Variants in RGS7BP observed in about 807,000 individuals in gnomAD.
RGS7BP encodes the protein regulator of G protein signaling 7 binding protein, also known as regulator of G protein signaling 7-binding protein.
Under a neutral mutation model 31.3 loss-of-function variants are expected in RGS7BP, and 9 were observed. The ratio of observed to expected loss-of-function variants is 0.29; its 90% CI spans 0.17 to 0.50. The LOEUF (loss-of-function observed/expected upper bound fraction) is 0.50. RGS7BP is among the 20% of genes least tolerant of loss of function. The probability of loss-of-function intolerance (pLI) is 0.98; values close to 1 mark genes in which losing one functional copy is unlikely to be tolerated. For missense variants in RGS7BP, 274 were observed against 322.0 expected, an observed-to-expected ratio of 0.85 and a Z score of 1.14; for synonymous variants, 115 against 120.1, an observed-to-expected ratio of 0.96 and a Z score of 0.28.
At chr5:64,548,129 G>T (rs969197390) in intron 2 of RGS7BP, among the ~76,000 whole-genome samples, 1 of 151,858 alleles carries the variant, frequency 6.6e-6, no homozygotes, top group African/African-American at 2.4e-5. Context: ...ATAACTTATT[G>T]TTGCAGTAAA....
chr5:64,569,938 T>C (rs1271009714), intron 2 of RGS7BP, among the ~76,000 whole-genome samples: 2 of 152,188 alleles, frequency 1.3e-5, no homozygotes, highest in Non-Finnish European at 2.9e-5. Context: ...AACAACAGAA[T>C]TGATTCCAAA....
intron 3 of RGS7BP, 53 bp downstream of exon 3, chr5:64,575,957 A>G: frequency 6.4e-7 from 1 of 1,558,724 alleles, no homozygotes; most frequent in Non-Finnish European, 8.7e-7. Context: ...ACAAAAGCTA[A>G]TCTTTGGCAA....
At chr5:64,609,127 A>G (rs186072727) in intron 5 of RGS7BP, 34 bp from the exon 6 acceptor site, 1 of 1,343,238 alleles carries the variant, frequency 7.4e-7, no homozygotes, top group East Asian at 2.3e-5. Flanking sequence ...TTGTGTCTAT[A>G]CCTCACTTAT....
At chr5:64,507,319 C>T (rs527410982) in intron 1 of RGS7BP, among the ~76,000 whole-genome samples, 5 of 152,274 alleles carry the variant, frequency 3.3e-5, no homozygotes, top group Middle Eastern at 3.4e-3. Context: ...CCCCTCCCGC[C>T]GTGCAACTTA....
rs943271923 is a variant in RGS7BP at position 64,589,827 on chromosome 5, T to G, written c.464-4883T>G. Among the ~76,000 whole-genome samples the G allele has an allele frequency of 2.0e-5, 3 of 150,754 alleles. No individual in the cohort carries two copies. In the Admixed American group the frequency reaches 2.0e-4, roughly 10 times the overall value. On this transcript the variant is annotated intron_variant, in intron 3 of 5. Coordinates refer to ENST00000334025, the MANE Select transcript of RGS7BP (RefSeq NM_001029875.3). Reference sequence around the variant, plus strand: ...CCTATAGTCCCAGCTATTGGGAGGCTAAGGAGAGAGGATCACATAAGCCCA... The same window carrying G: ...CCTATAGTCCCAGCTATTGGGAGGCGAAGGAGAGAGGATCACATAAGCCCA...
chr5:64,527,429 T>G (rs1051587117), intron 2 of RGS7BP, among the ~76,000 whole-genome samples: 1 of 152,070 alleles, frequency 6.6e-6, no homozygotes, highest in African/African-American at 2.4e-5. Context: ...ACTACTGGTA[T>G]GGAGGAAAGA....
At chr5:64,531,618 T>C (rs905509648) in intron 2 of RGS7BP, among the ~76,000 whole-genome samples, 2 of 152,202 alleles carry the variant, frequency 1.3e-5, no homozygotes, top group Non-Finnish European at 2.9e-5. Flanking sequence ...CATTCACTCA[T>C]TCATTGGTTC....
intron 2 of RGS7BP, among the ~76,000 whole-genome samples, chr5:64,551,870 A>G (rs58110448): frequency 0.022 from 3,350 of 152,272 alleles, 90 homozygotes; most frequent in African/African-American, 0.074. Flanking sequence ...TTCCAATTAC[A>G]TATCATCTGG....
Position 64,609,219 on chromosome 5 carries a change from G to A in RGS7BP, c.741G>A (p.Arg247=). The A allele has an allele frequency of 6.2e-7, 1 of 1,611,066 alleles. No individual in the cohort carries two copies. The highest frequency in any genetic ancestry group is 1.1e-5 in the South Asian group (1 of 91,000). ...PYPLVRRRKR[R]FFGLCCLISS ...CCCTGGTGAGAAGACGGAAGAGAAGGTTCTTTGGGCTGTGTTGTCTCATCT... is the reference window on the plus strand; with the variant it reads ...CCCTGGTGAGAAGACGGAAGAGAAGATTCTTTGGGCTGTGTTGTCTCATCT... Residue 247 remains arginine (R), a synonymous_variant, in exon 6 of 6, where the codon AGG becomes AGA. Coordinates refer to ENST00000334025, the MANE Select transcript of RGS7BP (RefSeq NM_001029875.3).
chr5:64,536,183 G>T (rs764419304), intron 2 of RGS7BP, among the ~76,000 whole-genome samples: 4 of 152,138 alleles, frequency 2.6e-5, no homozygotes, highest in Non-Finnish European at 5.9e-5. Context: ...TGATATTGGG[G>T]CAGGGCTGAG....
chr5:64,517,928 C>T (rs1231292029), intron 2 of RGS7BP, among the ~76,000 whole-genome samples: 6 of 151,948 alleles, frequency 3.9e-5, no homozygotes, highest in African/African-American at 4.8e-5. Flanking sequence ...TTTTAAACCT[C>T]CTGTAAATAA....
chr5:64,546,982 T>G (rs2111826071), intron 2 of RGS7BP, among the ~76,000 whole-genome samples: 1 of 152,318 alleles, frequency 6.6e-6, no homozygotes, highest in East Asian at 1.9e-4. Context: ...AATTCTGACT[T>G]CCATCACCAT....
At chr5:64,520,421 G>GA (rs917699503) in intron 2 of RGS7BP, among the ~76,000 whole-genome samples, 20 of 152,090 alleles carry the variant, frequency 1.3e-4, no homozygotes, top group African/African-American at 4.3e-4. Flanking sequence ...AGGCAGAAAG[G>GA]AAAAAAATAA....
chr5:64,607,525 G>T (rs1376533949), intron 5 of RGS7BP, among the ~76,000 whole-genome samples: 3 of 152,056 alleles, frequency 2.0e-5, no homozygotes, highest in Admixed American at 2.0e-4. Flanking sequence ...ATTGGCAGTT[G>T]CTTGAGTTAT....
rs180746662 is a variant in RGS7BP, at chr5:64,560,287, A to C, written c.333-15487A>C. On this transcript the variant is annotated intron_variant, in intron 2 of 5. Coordinates refer to ENST00000334025, the MANE Select transcript of RGS7BP (RefSeq NM_001029875.3). ...CTGGATCAGCTGGGAACTTAACACA[A>C]ATCAAATGATCAGGCCCCACCCCTG... Among the ~76,000 whole-genome samples, 148 of 152,230 alleles carry C rather than the reference A, an allele frequency of 9.7e-4. 1 individual carries two copies. The highest frequency in any genetic ancestry group is 3.2e-3 in the African/African-American group (133 of 41,558).
At chr5:64,511,807 A>G (rs1008320606) in intron 2 of RGS7BP, among the ~76,000 whole-genome samples, 3 of 152,234 alleles carry the variant, frequency 2.0e-5, no homozygotes, top group Non-Finnish European at 2.9e-5. Context: ...TGGAATGCTT[A>G]GCTCTCTAAG....
chr5:64,534,990 G>A (rs1023450928), intron 2 of RGS7BP, among the ~76,000 whole-genome samples: 1 of 152,150 alleles, frequency 6.6e-6, no homozygotes, highest in African/African-American at 2.4e-5. Context: ...AGGGCCCTGG[G>A]TGTCAAGAGA....
intron 2 of RGS7BP, among the ~76,000 whole-genome samples, chr5:64,530,696 C>A (rs889838513): frequency 6.6e-6 from 1 of 151,952 alleles, no homozygotes; most frequent in African/African-American, 2.4e-5. Flanking sequence ...TTACTTATAA[C>A]TGCCAAGAAT....
chr5:64,542,840 T>C (rs1435469583), intron 2 of RGS7BP, among the ~76,000 whole-genome samples: 1 of 152,238 alleles, frequency 6.6e-6, no homozygotes, highest in Non-Finnish European at 1.5e-5. Flanking sequence ...TACGAAGTTA[T>C]TAAGTACATG....
Sources: gnomAD v4.1 joint callset for allele counts (sites outside exome capture counted in the v4.1 genomes callset) on GRCh38, gnomAD v4.1.1 for gene constraint, MANE v1.5 for transcripts, NCBI Gene and HGNC (gene_info 2026-07-23, HGNC 2026-07-21) for gene names.